Variants in FKBP8 observed in about 807,000 individuals in gnomAD.
FKBP8 encodes the protein peptidyl-prolyl cis-trans isomerase FKBP8.
A neutral mutation model predicts 41.7 loss-of-function variants in FKBP8; 5 were observed. The observed-to-expected ratio is 0.12, with a 90% CI of 0.06 to 0.25. The LOEUF is 0.25. Among genes scored for constraint, FKBP8 ranks in the 10% least tolerant of loss-of-function variants. FKBP8 has a pLI of 1.00. For synonymous variants in FKBP8, 279 were observed against 254.5 expected, an observed-to-expected ratio of 1.10 and a Z score of -0.92; for missense variants, 397 against 563.0, an observed-to-expected ratio of 0.71 and a Z score of 2.98.
Position 18,537,347 on chromosome 19 carries a change from C to G in FKBP8, c.945+254G>C, listed in dbSNP as rs1390092401. Among the ~76,000 whole-genome samples the G allele has an allele frequency of 6.6e-6, 1 of 151,704 alleles. No homozygotes were observed. Among genetic ancestry groups the G allele is most frequent in the Non-Finnish European group, 1.5e-5 (1 of 67,902 alleles). ...CAGAGTGAGACTCTGTCTCAAGAAA[C>G]AAACAAACAAACAAACAAAAAACAC... On this transcript the variant is annotated intron_variant, in intron 6 of 8. Coordinates refer to ENST00000608443, the MANE Select transcript of FKBP8 (RefSeq NM_012181.5). The surrounding 1 kb of genome is among the most constrained non-coding windows in gnomAD (Gnocchi z 4.4).
rs2145194996 is a variant in FKBP8, at chr19:18,542,006, G to C, written c.-25-11C>G. On this transcript the variant is annotated splice_polypyrimidine_tract_variant and intron_variant, in intron 1 of 8. Transcript: ENST00000608443. ...GGACAGGAATTGGCCCTGGAAGTGG[G>C]GGGCAGAGATGTGGGTCAGAATCCT... 6.2e-7 allele frequency: 1 copy of C among 1,602,114 alleles called. No individual in the cohort carries two copies. The highest frequency in any genetic ancestry group is 2.2e-5 in the East Asian group (1 of 44,684).
At chr19:18,541,342 G>A (rs1318384250) in intron 2 of FKBP8, among the ~76,000 whole-genome samples, 6 of 152,166 alleles carry the variant, frequency 3.9e-5, no homozygotes, top group African/African-American at 1.2e-4. Flanking sequence ...ATTTTTCAGA[G>A]CCCAAGCATG....
chr19:18,542,992 C>A (rs1352744337), intron 1 of FKBP8: 8 of 933,344 alleles, frequency 8.6e-6, no homozygotes, highest in African/African-American at 1.9e-5. Flanking sequence ...TCCCACCCCC[C>A]ACCCCAACCA....
In FKBP8 at chr19:18,539,687, G is replaced by C; in HGVS notation, c.326C>G (p.Pro109Arg). ...CGGGCGGCTCGAACCTGGCGGCCCT[G>C]GGACCAGCGTCTTCTTCCTCAACAG... Reference protein sequence around the residue: ...NGLLRKKTLVPGPPGSSRPVK... With the variant: ...NGLLRKKTLVRGPPGSSRPVK... The change falls in exon 3 of 9, where the codon CCA becomes CGA. Residue 109 changes from proline (P) to arginine (R), a missense_variant. Pro to Arg is a moderately radical substitution (Grantham distance 103). Coordinates refer to ENST00000608443, the MANE Select transcript of FKBP8 (RefSeq NM_012181.5). The C allele has an allele frequency of 6.2e-7, 1 of 1,610,040 alleles. No homozygotes were observed. The highest frequency in any genetic ancestry group is 8.5e-7 in the Non-Finnish European group (1 of 1,179,998).
rs1362204126 is a variant in FKBP8, at chr19:18,541,701, T to A, written c.270A>T (p.Pro90=). The A allele has an allele frequency of 6.2e-7, 1 of 1,611,032 alleles. No individual in the cohort carries two copies. The highest frequency in any genetic ancestry group is 1.7e-5 in the Admixed American group (1 of 59,920). The change falls in exon 2 of 9, where the codon CCA becomes CCT. Residue 90 remains proline, a synonymous_variant. Coordinates refer to ENST00000608443, the MANE Select transcript of FKBP8 (RefSeq NM_012181.5). The stretch of plus-strand genomic sequence containing the variant: ...TACCCAGAATGTCCAGCCACTCTTC[T>A]GGGGCCGGGGCTGGGGCGGGCTCGG... ...MEPEPAPAPA[P]EEWLDILGNG...
chr19:18,535,686 T>G (rs1306046281), intron 6 of FKBP8, among the ~76,000 whole-genome samples: 2 of 141,438 alleles, frequency 1.4e-5, no homozygotes, highest in Non-Finnish European at 3.0e-5. Flanking sequence ...ATCGTGCCAC[T>G]GCACTCCAGC....
chr19:18,532,560 C>A, intron 8 of FKBP8, 104 bp downstream of exon 8: 1 of 1,514,054 alleles, frequency 6.6e-7, no homozygotes. Context: ...CCCTGCATCG[C>A]CCAGGACGGC....
chr19:18,536,364 G>A (rs975525900), intron 6 of FKBP8, among the ~76,000 whole-genome samples: 1 of 152,080 alleles, frequency 6.6e-6, no homozygotes, highest in African/African-American at 2.4e-5. Context: ...TTCTGTTCTC[G>A]TGTTTTGTTT....
chr19:18,543,009 C>T (rs1976744538), intron 1 of FKBP8: 1 of 773,200 alleles, frequency 1.3e-6, no homozygotes, highest in Non-Finnish European at 1.8e-6. Flanking sequence ...ACCACCACCG[C>T]CCCCAGCACG....
rs754789340 is a variant in FKBP8 at position 18,532,804 on chromosome 19, G to A, written c.1024-9C>T. ...AGCTCTGCGTGGATCGTCTGCAGAA[G>A]GCAGGGGAAGCTGAGAACACGCAGC... On this transcript the variant is annotated splice_polypyrimidine_tract_variant and intron_variant, in intron 7 of 8. Transcript: ENST00000608443. The A allele has an allele frequency of 6.2e-7, 1 of 1,613,338 alleles. No homozygotes were observed. Among genetic ancestry groups the A allele is most frequent in the Non-Finnish European group, 8.5e-7 (1 of 1,179,900 alleles).
chr19:18,536,825 T>G (rs1432980366), intron 6 of FKBP8, among the ~76,000 whole-genome samples: 3 of 152,200 alleles, frequency 2.0e-5, no homozygotes, highest in Non-Finnish European at 2.9e-5. Flanking sequence ...TCTCAGACAG[T>G]CGGCAATGCC....
At chr19:18,543,162 G>A (rs1275041733) in intron 1 of FKBP8, 4 of 264,982 alleles carry the variant, frequency 1.5e-5, no homozygotes, top group Non-Finnish European at 2.9e-5. Flanking sequence ...CCGCGACCCA[G>A]GCCCCCAACG....
In FKBP8 at chr19:18,537,739, C is replaced by T. The variant is rs774258553; in HGVS notation, c.807G>A (p.Leu269=). 20 of 1,613,656 alleles carry T rather than the reference C, an allele frequency of 1.2e-5. No homozygotes were observed. The South Asian group carries it at 1.8e-4, about 14-fold the overall frequency. ...TGTTCAGACACTTCACCTTCAACTG[C>T]AGGAGCTGTGCCTCCTCCTCGAACG... ...DMTFEEEAQL[L]QLKVKCLNNL... The change falls in exon 6 of 9, where the codon CTG becomes CTA. Residue 269 remains leucine (L), a synonymous_variant. Transcript: ENST00000608443. The surrounding 1 kb of genome is among the most constrained non-coding windows in gnomAD (Gnocchi z 4.4).
At chr19:18,535,021 G>C (rs954306161) in intron 6 of FKBP8, among the ~76,000 whole-genome samples, 1 of 151,934 alleles carries the variant, frequency 6.6e-6, no homozygotes. Flanking sequence ...CTGACCTCAA[G>C]TGATCCACCT....
chr19:18,532,135 T>C lies in FKBP8; in HGVS notation c.*34A>G. 4 of 1,538,936 alleles carry C rather than the reference T, an allele frequency of 2.6e-6. No homozygotes were observed. The highest frequency in any genetic ancestry group is 3.5e-6 in the Non-Finnish European group (4 of 1,131,652). On this transcript the variant is annotated 3_prime_UTR_variant, in exon 9 of 9. Coordinates refer to ENST00000608443, the MANE Select transcript of FKBP8 (RefSeq NM_012181.5). ...GTTGGGGAGCGCAGGGCAGGGTCCA[T>C]GGTGTGCAGAGGGGGTGGCAGCCAC...
chr19:18,533,880 C>T (rs1457469941), intron 6 of FKBP8, among the ~76,000 whole-genome samples: 4 of 150,348 alleles, frequency 2.7e-5, no homozygotes. Flanking sequence ...AGGTGGCGGG[C>T]GCCTGATAGT....
rs745631072 is a variant in FKBP8 at position 18,532,235 on chromosome 19, C to G, written c.1176G>C (p.Leu392=). 44 of 1,609,082 alleles carry G rather than the reference C, an allele frequency of 2.7e-5. 1 individual carries two copies. The South Asian group carries it at 4.5e-4, about 16-fold the overall frequency. ...CCAAGGCAACAGCAGTCGCCCCAAA[C>G]AGCCACTTCCATGGGATGGACTGTG... ...KGAWSIPWKW[L]FGATAVALGG... The change falls in exon 9 of 9, where the codon CTG becomes CTC. Residue 392 remains leucine, a synonymous_variant. Coordinates refer to ENST00000608443, the MANE Select transcript of FKBP8 (RefSeq NM_012181.5).
In FKBP8 at chr19:18,538,808, CTTTTTTTTTTT is replaced by C. The variant is rs1165932658; in HGVS notation, c.552-383_552-373del. On this transcript the variant is annotated intron_variant, in intron 4 of 8. Transcript: ENST00000608443. The surrounding 1 kb of genome is among the most constrained non-coding windows in gnomAD (Gnocchi z 4.0). ...GACTACAGGTGTGCACCACACCCAG[CTTTTTTTTTTT>C]TTTTTTTTTTTTTTTGAGACAGTCT... Among the ~76,000 whole-genome samples the C allele has an allele frequency of 9.8e-6, 1 of 102,190 alleles. No individual in the cohort carries two copies. Among genetic ancestry groups the C allele is most frequent in the South Asian group, 3.0e-4 (1 of 3,382 alleles). The allele number at this position is 102,190 out of a possible 152,430, so 67.0% of individuals were successfully genotyped here. A position where few individuals can be genotyped will look rare whatever the true frequency, so the allele number is the denominator to read the frequency against.
At position 18,531,949 on chromosome 19, in the gene FKBP8, A is replaced by C; in HGVS notation, c.*220T>G. The stretch of plus-strand genomic sequence containing the variant: ...CCAGCGGGGTAAGGAGGGTGGGGGA[A>C]AACTGGGTCTGAAGGAATGAGGGCC... On this transcript the variant is annotated 3_prime_UTR_variant, in exon 9 of 9. Transcript: ENST00000608443. The C allele has an allele frequency of 1.8e-6, 1 of 566,024 alleles. No individual in the cohort carries two copies. The highest frequency in any genetic ancestry group is 3.2e-6 in the Non-Finnish European group (1 of 312,958). The allele number at this position is 566,024 out of a possible 1,614,324, so 35.1% of individuals were successfully genotyped here.
Sources: allele counts gnomAD v4.1 joint callset (sites outside exome capture counted in the v4.1 genomes callset), GRCh38; gene constraint gnomAD v4.1.1; non-coding constraint Gnocchi (gnomAD v3.1); transcripts MANE v1.5; gene names NCBI Gene and HGNC (gene_info 2026-07-23, HGNC 2026-07-21).